The following BRMS1L variants were observed in gnomAD, a reference collection of about 807,000 sequenced individuals.
BRMS1L encodes breast cancer metastasis-suppressor 1-like protein.
Under a neutral mutation model 50.3 loss-of-function variants are expected in BRMS1L, and 23 were observed. That is an observed-to-expected ratio of 0.46 (90% CI 0.33 to 0.65). The LOEUF is 0.65. Ranked by LOEUF, BRMS1L falls within the 30% of genes least tolerant of loss-of-function variation. The pLI is 0.02. For missense variants in BRMS1L, 286 were observed against 386.1 expected (o/e 0.74, Z 2.17); for synonymous variants, 114 against 126.9 (o/e 0.90, Z 0.69).
chr14:35,868,074 A>G (rs778627543), intron 9 of BRMS1L, 42 bp downstream of exon 9: 6 of 1,545,068 alleles, frequency 3.9e-6, no homozygotes, highest in South Asian at 1.3e-5. Context: ...CAGTATTGTC[A>G]TTTACAACAT....
At chr14:35,858,658 A>T (rs1261019341) in intron 4 of BRMS1L, 1 of 152,170 alleles carries the variant, frequency 6.6e-6, no homozygotes, top group East Asian at 1.9e-4. Context: ...TGAAGATATC[A>T]GCCAGGGATG....
At chr14:35,866,930 A>G (rs183134280) in intron 8 of BRMS1L, among the ~76,000 whole-genome samples, 117 of 152,238 alleles carry the variant, frequency 7.7e-4, no homozygotes, top group African/African-American at 2.7e-3. Flanking sequence ...GTATCCTATT[A>G]GTTTTACTCA....
At chr14:35,851,417 C>A (rs554930906) in intron 4 of BRMS1L, among the ~76,000 whole-genome samples, 1 of 149,904 alleles carries the variant, frequency 6.7e-6, no homozygotes, top group Non-Finnish European at 1.5e-5. Flanking sequence ...TACTATGCTA[C>A]TCTTTAAAAA....
In BRMS1L at chr14:35,868,042, C is replaced by A; in HGVS notation, c.854+10C>A. 2 of 1,580,066 alleles carry A rather than the reference C, an allele frequency of 1.3e-6. No homozygotes were observed. Among genetic ancestry groups the A allele is most frequent in the East Asian group, 2.3e-5 (1 of 44,168 alleles). ...ATGAATGTCCTACAAGGTAAAAAAG[C>A]CTTTGTTATTTCAGTGTTGCTCAGT... On this transcript the variant is annotated intron_variant, in intron 9 of 9. Transcript: ENST00000216807.
At chr14:35,858,207 T>C (rs1361321183) in intron 4 of BRMS1L, among the ~76,000 whole-genome samples, 1 of 152,172 alleles carries the variant, frequency 6.6e-6, no homozygotes, top group African/African-American at 2.4e-5. Context: ...CTAACGCTGT[T>C]TTCTCTGCGA....
At chr14:35,856,935 T>C (rs2078287832) in intron 4 of BRMS1L, among the ~76,000 whole-genome samples, 1 of 151,958 alleles carries the variant, frequency 6.6e-6, no homozygotes, top group African/African-American at 2.4e-5. Flanking sequence ...CCTAACTTAT[T>C]TTCTCTTTTA....
intron 6 of BRMS1L, 68 bp from the exon 7 acceptor site, chr14:35,864,867 T>C (rs1221191661): frequency 1.5e-5 from 16 of 1,093,252 alleles, no homozygotes; most frequent in Non-Finnish European, 2.2e-5. Context: ...TTTTCTGAAA[T>C]GTAGTACTTT....
At chr14:35,832,378 G>T (rs1302457799) in intron 2 of BRMS1L, among the ~76,000 whole-genome samples, 1 of 151,268 alleles carries the variant, frequency 6.6e-6, no homozygotes, top group African/African-American at 2.4e-5. Flanking sequence ...AATTAGCCGG[G>T]CGCCTGTAGT....
intron 4 of BRMS1L, among the ~76,000 whole-genome samples, chr14:35,851,505 AACCTACAGGAG>A (rs1330717068): frequency 2.0e-5 from 3 of 152,204 alleles, no homozygotes; most frequent in Non-Finnish European, 2.9e-5. Context: ...CTAGTGAAAA[AACCTACAGGAG>A]ACCTACAGGA....
intron 4 of BRMS1L, among the ~76,000 whole-genome samples, chr14:35,844,247 C>T (rs1357193336): frequency 6.6e-6 from 1 of 152,146 alleles, no homozygotes; most frequent in Middle Eastern, 3.2e-3. Flanking sequence ...AAAAAAGCTC[C>T]TACAGCTAGC....
At chr14:35,832,882 A>T (rs1255568559) in intron 2 of BRMS1L, 96 bp from the exon 3 acceptor site, 1 of 1,080,090 alleles carries the variant, frequency 9.3e-7, no homozygotes, top group Admixed American at 2.7e-5. Context: ...TTATTAGAAT[A>T]TAAATGATAT....
At chr14:35,859,451 G>A (rs2899841) in intron 4 of BRMS1L, among the ~76,000 whole-genome samples, 4,627 of 152,138 alleles carry the variant, frequency 0.03, 191 homozygotes, top group African/African-American at 0.088. Context: ...AGCTTCCAGC[G>A]TTGCTTTTGT....
chr14:35,860,218 CT>C (rs2078331744), intron 4 of BRMS1L, among the ~76,000 whole-genome samples: 1 of 152,050 alleles, frequency 6.6e-6, no homozygotes. Flanking sequence ...CAACCTCCAC[CT>C]TCTGGGCTCA....
intron 1 of BRMS1L, among the ~76,000 whole-genome samples, chr14:35,827,307 C>G (rs985527745): frequency 1.3e-5 from 2 of 152,102 alleles, no homozygotes; most frequent in Non-Finnish European, 2.9e-5. Context: ...TAACTTTGGG[C>G]TGTTTTAAAT....
chr14:35,860,118 A>G (rs1002572502), intron 4 of BRMS1L, among the ~76,000 whole-genome samples: 1 of 152,042 alleles, frequency 6.6e-6, no homozygotes, highest in African/African-American at 2.4e-5. Flanking sequence ...AATATTCAGG[A>G]TATAGTTAAA....
Position 35,834,914 on chromosome 14 carries a change from G to A in BRMS1L, c.432G>A (p.Gln144=). Residue 144 remains glutamine, a synonymous_variant, in exon 4 of 10, where the codon CAG becomes CAA. Coordinates refer to ENST00000216807, the MANE Select transcript of BRMS1L (RefSeq NM_032352.4). ...KYECEIQASR[Q]HCESEKLLLY... ...AATGTGAAATTCAAGCTTCTCGCCAGCATTGTGAGGTACTGTCATTTTGCA... is the reference window on the plus strand; with the variant it reads ...AATGTGAAATTCAAGCTTCTCGCCAACATTGTGAGGTACTGTCATTTTGCA... The A allele has an allele frequency of 6.3e-7, 1 of 1,589,968 alleles. No individual in the cohort carries two copies. Among genetic ancestry groups the A allele is most frequent in the Admixed American group, 1.8e-5 (1 of 56,984 alleles).
chr14:35,838,869 G>T (rs1411145211), intron 4 of BRMS1L, among the ~76,000 whole-genome samples: 1 of 151,816 alleles, frequency 6.6e-6, no homozygotes, highest in Non-Finnish European at 1.5e-5. Flanking sequence ...AAGCTCTTTA[G>T]TTTAATTAGA....
chr14:35,849,641 G>A (rs925766448), intron 4 of BRMS1L, among the ~76,000 whole-genome samples: 2 of 152,042 alleles, frequency 1.3e-5, no homozygotes, highest in African/African-American at 4.8e-5. Context: ...ACGGGTGTGG[G>A]ATGATAAATC....
At position 35,826,611 on chromosome 14, in the gene BRMS1L, A is replaced by T; in HGVS notation, c.95A>T (p.Asp32Val). ...YAENEGSSSE[D>V]EDTESSSVSE... ...GAAAATGAGGGGAGCAGCTCCGAGG[A>T]CGAGGACACTGAGAGCTCGTCGGTC... is the stretch of plus-strand genomic sequence containing the variant. The change falls in exon 1 of 10, where the codon GAC becomes GTC. Residue 32 changes from aspartate to valine, a missense_variant. Asp to Val is a radical substitution (Grantham distance 152, BLOSUM62 -3). Around this residue, in one of 5 missense-constraint regions of BRMS1L, gnomAD observed 66 missense variants for 67.8 expected, o/e 0.97. Coordinates refer to ENST00000216807, the MANE Select transcript of BRMS1L (RefSeq NM_032352.4). The T allele has an allele frequency of 6.2e-7, 1 of 1,612,370 alleles. No homozygotes were observed. The highest frequency in any genetic ancestry group is 8.5e-7 in the Non-Finnish European group (1 of 1,179,474).
Sources: gnomAD v4.1 joint callset for allele counts (sites outside exome capture counted in the v4.1 genomes callset) on GRCh38, gnomAD v4.1.1 for gene constraint, gnomAD v4.1.1 regional missense constraint, MANE v1.5 for transcripts, NCBI Gene and HGNC (gene_info 2026-07-23, HGNC 2026-07-21) for gene names.